Variants in NPNT observed in about 807,000 individuals in gnomAD.
The protein encoded by NPNT is nephronectin.
A neutral mutation model predicts 68.6 loss-of-function variants in NPNT; 45 were observed. That is an observed-to-expected ratio of 0.66 (90% CI 0.52 to 0.84). NPNT has a LOEUF of 0.84. NPNT is among the 40% of genes least tolerant of loss of function. NPNT has a pLI of 0.00. For synonymous variants in NPNT, 233 were observed against 253.3 expected, an observed-to-expected ratio of 0.92 and a Z score of 0.76; for missense variants, 672 against 714.8, an observed-to-expected ratio of 0.94 and a Z score of 0.68.
At position 105,912,146 on chromosome 4, in the gene NPNT, G is replaced by T. The variant is rs1301677518; in HGVS notation, c.172+14145G>T. 9.1e-6 allele frequency: 13 copies of T among 1,423,432 alleles called. No individual in the cohort carries two copies. In the Admixed American group the frequency reaches 1.2e-4, roughly 13 times the overall value. 88.2% of individuals were successfully genotyped at this position (1,423,432 alleles called of 1,614,324 possible). On this transcript the variant is annotated intron_variant, in intron 2 of 11. Coordinates refer to ENST00000379987, the MANE Select transcript of NPNT (RefSeq NM_001033047.3). ...TACCCAAGTCCAGCCTCCTTACAGA[G>T]AAAAGATCTGGAATTTCTTTTTTTG... is the stretch of plus-strand genomic sequence containing the variant.
intron 3 of NPNT, among the ~76,000 whole-genome samples, chr4:105,932,089 C>T (rs189463342): frequency 1.1e-4 from 17 of 152,136 alleles, no homozygotes; most frequent in Admixed American, 5.9e-4. Context: ...ATAATATTGA[C>T]GATCTATTAT....
At chr4:105,907,251 G>A (rs1560890554) in intron 2 of NPNT, among the ~76,000 whole-genome samples, 1 of 152,074 alleles carries the variant, frequency 6.6e-6, no homozygotes, top group Non-Finnish European at 1.5e-5. Context: ...TGAAGCCCTA[G>A]GCAATAGAAC....
intron 2 of NPNT, among the ~76,000 whole-genome samples, chr4:105,925,846 G>T (rs56884718): frequency 4.6e-3 from 703 of 152,230 alleles, no homozygotes; most frequent in African/African-American, 0.016. Context: ...ACCATCACCA[G>T]AGCTTTGATA....
chr4:105,969,008 A>G lies in NPNT; in HGVS notation c.*18A>G. 4.2e-6 allele frequency: 6 copies of G among 1,417,884 alleles called. No homozygotes were observed. The highest frequency in any genetic ancestry group is 6.0e-6 in the Non-Finnish European group (6 of 1,002,386). The allele number at this position is 1,417,884 out of a possible 1,614,324, so 87.8% of individuals were successfully genotyped here. On this transcript the variant is annotated 3_prime_UTR_variant, in exon 12 of 12. Transcript: ENST00000379987. ...AACGCTAACAACTCCAGAACTAACA[A>G]TGAACTCCTATGTTGCTCTATCCTC...
Position 105,940,581 on chromosome 4 carries a change from G to A in NPNT, c.708G>A (p.Gly236=). The part of the protein sequence containing the change: ...SSFARCYNIR[G]SYKCKCKEGY... ...TTGCTCGATGTTATAACATACGTGG[G>A]TCCTACAAGTGCAAATGTAAAGAAG... The change falls in exon 7 of 12, where the codon GGG becomes GGA. Residue 236 remains glycine (G), a synonymous_variant. Coordinates refer to ENST00000379987, the MANE Select transcript of NPNT (RefSeq NM_001033047.3). 6.2e-7 allele frequency: 1 copy of A among 1,612,980 alleles called. No individual in the cohort carries two copies. Among genetic ancestry groups the A allele is most frequent in the Non-Finnish European group, 8.5e-7 (1 of 1,179,040 alleles).
chr4:105,923,678 C>T (rs1051056093), intron 2 of NPNT, among the ~76,000 whole-genome samples: 2 of 152,196 alleles, frequency 1.3e-5, no homozygotes, highest in Non-Finnish European at 2.9e-5. Context: ...ACGTTCTAGG[C>T]GAGAACACAG....
At chr4:105,934,146 G>T (rs1362710570) in intron 3 of NPNT, among the ~76,000 whole-genome samples, 1 of 151,932 alleles carries the variant, frequency 6.6e-6, no homozygotes, top group Non-Finnish European at 1.5e-5. Context: ...ACTTCATTTT[G>T]TTCTGCTTAT....
chr4:105,949,338 C>G (rs1730632262), intron 8 of NPNT, among the ~76,000 whole-genome samples: 1 of 152,158 alleles, frequency 6.6e-6, no homozygotes. Context: ...TTAGGTCAGG[C>G]TGGGCTAAAC....
chr4:105,950,845 A>T (rs1293811754), intron 8 of NPNT, among the ~76,000 whole-genome samples: 1 of 152,074 alleles, frequency 6.6e-6, no homozygotes, highest in Non-Finnish European at 1.5e-5. Flanking sequence ...CTGGTCTTGA[A>T]TTTCTGGCCT....
chr4:105,965,516 C>A (rs1274456511), intron 10 of NPNT, among the ~76,000 whole-genome samples: 1 of 152,144 alleles, frequency 6.6e-6, no homozygotes, highest in East Asian at 1.9e-4. Flanking sequence ...GTCTTGTTTG[C>A]AGGTAGCGTC....
At chr4:105,959,359 A>G (rs1731496576) in intron 10 of NPNT, among the ~76,000 whole-genome samples, 3 of 152,164 alleles carry the variant, frequency 2.0e-5, no homozygotes, top group Non-Finnish European at 4.4e-5. Flanking sequence ...AAGGTCAACT[A>G]ATTTCTCTCA....
chr4:105,924,238 C>G, intron 2 of NPNT, among the ~76,000 whole-genome samples: 1 of 152,082 alleles, frequency 6.6e-6, no homozygotes, highest in South Asian at 2.1e-4. Context: ...AATTTTCATA[C>G]CCTCTATGAC....
intron 2 of NPNT, among the ~76,000 whole-genome samples, chr4:105,909,075 G>A (rs6811135): frequency 0.49 from 74,739 of 151,940 alleles, 21,765 homozygotes; most frequent in African/African-American, 0.81. Context: ...ATTATCAGCA[G>A]AATATTTACA....
At chr4:105,926,900 T>C (rs1395405052) in intron 2 of NPNT, among the ~76,000 whole-genome samples, 1 of 152,204 alleles carries the variant, frequency 6.6e-6, no homozygotes, top group African/African-American at 2.4e-5. Flanking sequence ...GTAAAATAAA[T>C]ATTTTATGTT....
intron 2 of NPNT, among the ~76,000 whole-genome samples, chr4:105,915,370 G>A (rs1727719482): frequency 6.6e-6 from 1 of 152,144 alleles, no homozygotes; most frequent in Non-Finnish European, 1.5e-5. Context: ...CACAGTGTTA[G>A]GGCAGTGGCG....
intron 10 of NPNT, among the ~76,000 whole-genome samples, chr4:105,959,501 G>GT (rs1163055071): frequency 6.9e-6 from 1 of 144,856 alleles, no homozygotes; most frequent in African/African-American, 2.5e-5. Flanking sequence ...TTCCCCAGTT[G>GT]TTTTTTCTTT....
At chr4:105,948,726 T>A (rs1730579910) in intron 8 of NPNT, among the ~76,000 whole-genome samples, 1 of 152,058 alleles carries the variant, frequency 6.6e-6, no homozygotes, top group African/African-American at 2.4e-5. Flanking sequence ...GCTCAAGCAA[T>A]CCTCCTGCCT....
At chr4:105,935,806 G>T (rs546116948) in intron 3 of NPNT, among the ~76,000 whole-genome samples, 1 of 152,006 alleles carries the variant, frequency 6.6e-6, no homozygotes, top group Non-Finnish European at 1.5e-5. Flanking sequence ...ATTATTTGGT[G>T]GTTTTAAAAC....
At chr4:105,918,301 T>C (rs913925458) in intron 2 of NPNT, among the ~76,000 whole-genome samples, 5 of 152,336 alleles carry the variant, frequency 3.3e-5, no homozygotes, top group Non-Finnish European at 5.9e-5. Context: ...TATCAGTGAC[T>C]CTTTTAAACA....
Sources: allele counts gnomAD v4.1 joint callset (sites outside exome capture counted in the v4.1 genomes callset), GRCh38; gene constraint gnomAD v4.1.1; transcripts MANE v1.5; gene names NCBI Gene and HGNC (gene_info 2026-07-23, HGNC 2026-07-21).